Variants in TRMT1L observed in about 807,000 individuals in gnomAD.
The protein encoded by TRMT1L is tRNA (guanine(27)-N(2))-dimethyltransferase.
In TRMT1L, 28 loss-of-function variants were observed where a neutral mutation model predicts 81.6. The observed-to-expected ratio is 0.34, with a 90% CI of 0.25 to 0.47. TRMT1L has a LOEUF of 0.47. Ranked by LOEUF, TRMT1L falls within the 20% of genes least tolerant of loss-of-function variation. The pLI is 1.00. For missense variants in TRMT1L, 739 were observed against 877.1 expected (o/e 0.84, Z 1.99); for synonymous variants, 301 against 303.2 (o/e 0.99, Z 0.07).
intron 7 of TRMT1L, among the ~76,000 whole-genome samples, chr1:185,141,134 A>C (rs550362553): frequency 6.6e-6 from 1 of 152,348 alleles, no homozygotes; most frequent in Admixed American, 6.5e-5. Context: ...CCCAGCCAAC[A>C]TAGATTAGTA....
intron 5 of TRMT1L, 62 bp downstream of exon 5, chr1:185,145,377 A>G: frequency 6.6e-7 from 1 of 1,512,444 alleles, no homozygotes; most frequent in Non-Finnish European, 9.1e-7. Flanking sequence ...GTCTGAAAAT[A>G]ATAACTGGAC....
At chr1:185,126,843 A>G (rs541319692) in intron 11 of TRMT1L, among the ~76,000 whole-genome samples, 19 of 152,284 alleles carry the variant, frequency 1.2e-4, no homozygotes, top group Admixed American at 4.6e-4. Context: ...TTAAAAATAC[A>G]AAAATTAGCT....
chr1:185,126,950 T>G (rs980407878), intron 11 of TRMT1L, among the ~76,000 whole-genome samples: 2 of 152,180 alleles, frequency 1.3e-5, no homozygotes, highest in African/African-American at 4.8e-5. Flanking sequence ...TAAGCCAAGA[T>G]TGTGCCACTG....
In TRMT1L at chr1:185,156,355, C is replaced by T. The variant is rs996924336; in HGVS notation, c.235+123G>A. ...CGCTACACGGGCCCCTCTTTCCTCC[C>T]CACCATTTTCCTAAACCTGCCTTGC... On this transcript the variant is annotated intron_variant, in intron 1 of 14. Transcript: ENST00000367506. The T allele has an allele frequency of 2.5e-6, 4 of 1,606,166 alleles. No individual in the cohort carries two copies. In the African/African-American group the frequency reaches 5.3e-5, roughly 21 times the overall value.
rs931684711 is a variant in TRMT1L, at chr1:185,123,855, A to G, written c.1822+2T>C. On this transcript the variant is annotated splice_donor_variant, in intron 13 of 14. Coordinates refer to ENST00000367506, the MANE Select transcript of TRMT1L (RefSeq NM_030934.5). LOFTEE classifies it high-confidence loss of function. Reference sequence around the variant, plus strand: ...TATGTACACACATATATGCATACATACCTTGTGCAATGTAATTATCTGTTG... The same window carrying G: ...TATGTACACACATATATGCATACATGCCTTGTGCAATGTAATTATCTGTTG... The G allele has an allele frequency of 6.7e-6, 10 of 1,501,824 alleles. No individual in the cohort carries two copies. In the African/African-American group the frequency reaches 1.4e-4, roughly 21 times the overall value. 93.0% of individuals were successfully genotyped at this position (1,501,824 alleles called of 1,614,324 possible).
rs1653361339 is a variant in TRMT1L at position 185,151,923 on chromosome 1, G to A, written c.248C>T (p.Ser83Leu). 1 of 1,585,364 alleles carries A rather than the reference G, an allele frequency of 6.3e-7. No homozygotes were observed. The highest frequency in any genetic ancestry group is 8.5e-7 in the Non-Finnish European group (1 of 1,170,784). Residue 83 changes from serine to leucine, a missense_variant, in exon 2 of 15, where the codon TCA becomes TTA. Ser to Leu is a moderately radical substitution (Grantham distance 145, BLOSUM62 -2). Transcript: ENST00000367506. Reference protein sequence around the residue: ...PEEAKSKRHISIQRQLADLEN... With the variant: ...PEEAKSKRHILIQRQLADLEN... ...TAGATCAGCAAGCTGCCTTTGAATT[G>A]AGATGTGTCTCTCTGAAAAAAAAAA...
At chr1:185,150,198 T>C (rs1653303955) in intron 3 of TRMT1L, among the ~76,000 whole-genome samples, 181 bp downstream of exon 3, 1 of 152,208 alleles carries the variant, frequency 6.6e-6, no homozygotes, top group South Asian at 2.1e-4. Context: ...CTGTGTCATA[T>C]AGATCTCTAC....
chr1:185,125,503 T>A lies in TRMT1L; in HGVS notation c.1593-393A>T, dbSNP rs1036983905. Among the ~76,000 whole-genome samples the A allele has an allele frequency of 3.3e-5, 5 of 152,228 alleles. No homozygotes were observed. In the East Asian group the frequency reaches 9.7e-4, roughly 29 times the overall value. On this transcript the variant is annotated intron_variant, in intron 11 of 14. Coordinates refer to ENST00000367506, the MANE Select transcript of TRMT1L (RefSeq NM_030934.5). ...ATTTTCTATTTGCCACTCATTTTTA[T>A]CATATCAGTTCTCTAAACTAGTAGC...
intron 10 of TRMT1L, among the ~76,000 whole-genome samples, chr1:185,134,446 CA>C (rs1442351729): frequency 6.6e-6 from 1 of 152,224 alleles, no homozygotes; most frequent in Non-Finnish European, 1.5e-5. Context: ...CTCAGCCTCC[CA>C]AACTGTTGGG....
intron 11 of TRMT1L, among the ~76,000 whole-genome samples, chr1:185,127,525 A>T (rs1309956172): frequency 1.3e-5 from 2 of 152,050 alleles, no homozygotes; most frequent in Non-Finnish European, 2.9e-5. Flanking sequence ...TGGGAGGCCG[A>T]GGCGGGTGGA....
chr1:185,121,841 T>C (rs1221117493), intron 13 of TRMT1L, among the ~76,000 whole-genome samples: 2 of 151,942 alleles, frequency 1.3e-5, no homozygotes, highest in Non-Finnish European at 2.9e-5. Context: ...GTTACGTGGG[T>C]ATATTGTGTA....
chr1:185,157,232 GGTGT>G, upstream of TRMT1L: 1 of 155,372 alleles, frequency 6.4e-6, no homozygotes, highest in Non-Finnish European at 1.4e-5. Flanking sequence ...GGTGGGGCGG[GGTGT>G]GTGTGTGTGT....
chr1:185,155,038 A>G (rs1653456767), intron 1 of TRMT1L, among the ~76,000 whole-genome samples: 1 of 152,250 alleles, frequency 6.6e-6, no homozygotes, highest in African/African-American at 2.4e-5. Flanking sequence ...TAATGTTTAA[A>G]ATGTGATTAA....
At chr1:185,143,119 A>AT (rs765899102) in intron 7 of TRMT1L, among the ~76,000 whole-genome samples, 78 of 152,290 alleles carry the variant, frequency 5.1e-4, no homozygotes, top group South Asian at 1.7e-3. Flanking sequence ...GATATGAGGT[A>AT]TGAGGACAAT....
chr1:185,124,738 C>T (rs1408648610), intron 12 of TRMT1L: 4 of 341,052 alleles, frequency 1.2e-5, no homozygotes, highest in African/African-American at 2.1e-5. Context: ...TCATCATTCA[C>T]CTATTCATCT....
Position 185,139,101 on chromosome 1 carries a change from C to T in TRMT1L, c.1322+266G>A, listed in dbSNP as rs962230622. Reference sequence around the variant, plus strand: ...CTTTATCCTACATTGTTGAAATAAACTGGAAATTAACTTTCACTTTTACCT... The same window carrying T: ...CTTTATCCTACATTGTTGAAATAAATTGGAAATTAACTTTCACTTTTACCT... On this transcript the variant is annotated intron_variant, in intron 9 of 14. Transcript: ENST00000367506. 3.3e-5 allele frequency among the ~76,000 whole-genome samples: 5 copies of T among 152,286 alleles called. No homozygotes were observed. The East Asian group carries it at 9.6e-4, about 29-fold the overall frequency.
Position 185,139,589 on chromosome 1 carries a change from G to T in TRMT1L, c.1110-10C>A. 2 of 1,586,754 alleles carry T rather than the reference G, an allele frequency of 1.3e-6. No homozygotes were observed. The highest frequency in any genetic ancestry group is 8.6e-7 in the Non-Finnish European group (1 of 1,161,298). On this transcript the variant is annotated splice_polypyrimidine_tract_variant and intron_variant, in intron 8 of 14. Coordinates refer to ENST00000367506, the MANE Select transcript of TRMT1L (RefSeq NM_030934.5). ...AAAAGGGTCTAGATGTCTAAAATCA[G>T]AAAGAATATAGACATTTTAAAGTCA...
At chr1:185,140,564 G>A (rs1286710521) in intron 7 of TRMT1L, among the ~76,000 whole-genome samples, 1 of 151,944 alleles carries the variant, frequency 6.6e-6, no homozygotes, top group East Asian at 1.9e-4. Flanking sequence ...TCTGCTTGAA[G>A]GGAGGATGGG....
chr1:185,139,449 G>A lies in TRMT1L; in HGVS notation c.1240C>T (p.Arg414Trp). 4 of 1,614,082 alleles carry A rather than the reference G, an allele frequency of 2.5e-6. No homozygotes were observed. The highest frequency in any genetic ancestry group is 1.7e-5 in the Admixed American group (1 of 60,016). Residue 414 changes from arginine (R) to tryptophan (W), a missense_variant, in exon 9 of 15, where the codon CGG (arginine) becomes TGG (tryptophan). Physicochemically the swap from Arg to Trp is moderately radical, Grantham distance 101. This residue lies in a region of TRMT1L where 331 missense variants were observed against 462.2 expected (regional missense o/e 0.72). Coordinates refer to ENST00000367506, the MANE Select transcript of TRMT1L (RefSeq NM_030934.5). ...ACAATGTTACATCCGTAGTGACGCC[G>A]GGCAACATGCTGTGCCTTGGCATAT... ...SLYAKAQHVARRHYGCNIVRT... is the reference protein window; with the variant it reads ...SLYAKAQHVAWRHYGCNIVRT...
Sources: gnomAD v4.1 joint callset for allele counts (sites outside exome capture counted in the v4.1 genomes callset) on GRCh38, gnomAD v4.1.1 for gene constraint, gnomAD v4.1.1 regional missense constraint, MANE v1.5 for transcripts, NCBI Gene and HGNC (gene_info 2026-07-23, HGNC 2026-07-21) for gene names.